The following CASK variants were observed in gnomAD, a reference collection of about 807,000 sequenced individuals.
CASK encodes the protein calcium/calmodulin dependent serine protein kinase, also known as peripheral plasma membrane protein CASK.
In CASK, 4 loss-of-function variants were observed where a neutral mutation model predicts 82.9. The observed-to-expected ratio is 0.05, with a 90% CI of 0.02 to 0.11. The LOEUF (loss-of-function observed/expected upper bound fraction) is 0.11, where lower values mean the gene tolerates loss of function less well. CASK is among the 10% of genes least tolerant of loss of function. The probability of loss-of-function intolerance (pLI) is 1.00; values close to 1 mark genes in which losing one functional copy is unlikely to be tolerated. For missense variants in CASK, 358 were observed against 720.9 expected (o/e 0.50, Z 5.76); for synonymous variants, 259 against 253.5 (o/e 1.02, Z -0.20).
At chrX:41,696,949 A>G (rs2067701421) in intron 5 of CASK, 2 of 344,203 alleles carry the variant, frequency 5.8e-6, no homozygotes, top group South Asian at 2.5e-4. Context: ...CTAACTTTTA[A>G]ATCTGTATGT....
chrX:41,583,150 C>T (rs189741340), intron 14 of CASK, among the ~76,000 whole-genome samples: 1 of 111,959 alleles, frequency 8.9e-6, no homozygotes, highest in Admixed American at 9.5e-5. Context: ...ATAAAAATTA[C>T]TTATTATTTC....
chrX:41,555,704 G>T, intron 19 of CASK, 69 bp from the exon 20 acceptor site: 1 of 794,886 alleles, frequency 1.3e-6, no homozygotes, highest in Non-Finnish European at 1.9e-6. Flanking sequence ...TAATTTGTGT[G>T]TTCTGTTACA....
intron 5 of CASK, chrX:41,727,594 C>G (rs769808811): frequency 1.2e-5 from 15 of 1,203,403 alleles, no homozygotes; most frequent in Non-Finnish European, 1.6e-5. Flanking sequence ...ATGCTACAAT[C>G]GGCAGATGGA....
intron 15 of CASK, 151 bp downstream of exon 15, chrX:41,578,188 CA>C (rs1425372848): frequency 2.1e-5 from 9 of 436,770 alleles, no homozygotes; most frequent in Middle Eastern, 6.3e-4. Context: ...AAAAGAAGGG[CA>C]GGGGGGAACT....
At chrX:41,819,114 C>G (rs1365015055) in intron 2 of CASK, among the ~76,000 whole-genome samples, 1 of 111,157 alleles carries the variant, frequency 9.0e-6, no homozygotes, top group Non-Finnish European at 1.9e-5. Flanking sequence ...AAAGCTTGTT[C>G]AATGTATGAT....
chrX:41,548,908 C>T (rs1378656787), intron 21 of CASK, among the ~76,000 whole-genome samples: 1 of 111,752 alleles, frequency 8.9e-6, no homozygotes. Flanking sequence ...TGATTTTTAC[C>T]AGACACTGCA....
At chrX:41,638,657 C>T (rs780684374) in intron 8 of CASK, among the ~76,000 whole-genome samples, 1 of 110,835 alleles carries the variant, frequency 9.0e-6, no homozygotes, top group Non-Finnish European at 1.9e-5. Flanking sequence ...ATGCAAAGGC[C>T]CAATGGAGGG....
At chrX:41,578,046 C>T (rs1457216858) in intron 15 of CASK, among the ~76,000 whole-genome samples, 4 of 111,894 alleles carry the variant, frequency 3.6e-5, no homozygotes, top group Non-Finnish European at 1.9e-5. Context: ...TTCTTTGCTG[C>T]CCCAGAGGTT....
At chrX:41,624,386 C>T in intron 10 of CASK, 1 of 291,128 alleles carries the variant, frequency 3.4e-6, no homozygotes, top group Non-Finnish European at 6.7e-6. Context: ...AGGCTTTCTC[C>T]TCAGTCTCTT....
At chrX:41,594,937 G>A (rs1445590426) in intron 12 of CASK, among the ~76,000 whole-genome samples, 1 of 111,987 alleles carries the variant, frequency 8.9e-6, no homozygotes, top group Non-Finnish European at 1.9e-5. Context: ...AGAACATGCT[G>A]TTTAAGTGGT....
chrX:41,815,667 A>G (rs1323793265), intron 2 of CASK, among the ~76,000 whole-genome samples: 3 of 111,363 alleles, frequency 2.7e-5, no homozygotes, highest in Non-Finnish European at 5.6e-5. Context: ...ATGTAACTGG[A>G]GCCCTTCAAA....
intron 15 of CASK, among the ~76,000 whole-genome samples, chrX:41,571,618 C>T (rs896360882): frequency 4.5e-5 from 5 of 111,547 alleles, no homozygotes; most frequent in Non-Finnish European, 7.5e-5. Flanking sequence ...TTTATTGATA[C>T]TCTATTGCTT....
At position 41,812,197 on chromosome X, in the gene CASK, C is replaced by G. The variant is rs901515294; in HGVS notation, c.173-24914G>C. Among the ~76,000 whole-genome samples the G allele has an allele frequency of 1.4e-3, 161 of 111,703 alleles. 1 individual carries two copies. Among genetic ancestry groups the G allele is most frequent in the Non-Finnish European group, 2.0e-3 (108 of 53,126 alleles). On this transcript the variant is annotated intron_variant, in intron 2 of 26. Coordinates refer to ENST00000378163, the MANE Select transcript of CASK (RefSeq NM_001367721.1). ...TGGTACCATTTCTTCTGAAACTATT[C>G]CAATCAATAGAAAAAGAGGAAATCC...
chrX:41,698,386 C>T (rs2067730966), intron 5 of CASK, among the ~76,000 whole-genome samples: 1 of 111,795 alleles, frequency 8.9e-6, no homozygotes, highest in Admixed American at 9.5e-5. Context: ...AATAACAGGA[C>T]AGCAAGCTCT....
intron 11 of CASK, among the ~76,000 whole-genome samples, chrX:41,620,689 C>T (rs2066275179): frequency 8.9e-6 from 1 of 112,200 alleles, no homozygotes; most frequent in Admixed American, 9.5e-5. Flanking sequence ...ACTTTTTATT[C>T]CCACTGCACA....
At chrX:41,535,164 C>T (rs968514281) in intron 22 of CASK, among the ~76,000 whole-genome samples, 191 bp from the exon 23 acceptor site, 2 of 111,074 alleles carry the variant, frequency 1.8e-5, no homozygotes, top group African/African-American at 6.6e-5. Context: ...CATTTTTAAG[C>T]CCATGAAAAT....
In CASK at chrX:41,578,507, C is replaced by T. The variant is rs1192097024; in HGVS notation, c.1336G>A (p.Val446Ile). ...HFMALLQTHDVVAHEVYSDEA... is the reference protein window; with the variant it reads ...HFMALLQTHDIVAHEVYSDEA... The stretch of plus-strand genomic sequence containing the variant: ...TCACTGTAAACTTCATGTGCCACTA[C>T]GTCGTGAGTCTGAAGTAAGGCCTAG... The change falls in exon 15 of 27, where the codon GTA (valine) becomes ATA (isoleucine). Residue 446 changes from valine to isoleucine, a missense_variant. Val to Ile is a conservative substitution (Grantham distance 29). Around this residue, in one of 5 missense-constraint regions of CASK, gnomAD observed 110 missense variants for 218.8 expected, o/e 0.50. Coordinates refer to ENST00000378163, the MANE Select transcript of CASK (RefSeq NM_001367721.1). 10 of 1,204,874 alleles carry T rather than the reference C, an allele frequency of 8.3e-6. No individual in the cohort carries two copies. The highest frequency in any genetic ancestry group is 1.7e-5 in the African/African-American group (1 of 57,607).
Position 41,811,228 on chromosome X carries a change from G to A in CASK, c.173-23945C>T, listed in dbSNP as rs770372347. ...AATTGAACTCAGCTCTGCACCAAGC[G>A]GACCTAGTAGACATCTACAGAACTC... On this transcript the variant is annotated intron_variant, in intron 2 of 26. Transcript: ENST00000378163. 8.9e-3 allele frequency among the ~76,000 whole-genome samples: 995 copies of A among 111,522 alleles called. 14 individuals carry two copies. Among genetic ancestry groups the A allele is most frequent in the African/African-American group, 0.031 (946 of 30,706 alleles).
chrX:41,531,890 A>T (rs2064808528), intron 24 of CASK, among the ~76,000 whole-genome samples: 1 of 112,550 alleles, frequency 8.9e-6, no homozygotes, highest in Non-Finnish European at 1.9e-5. Context: ...TCAGGAGGTG[A>T]CAAACTGGCT....
Sources: gnomAD v4.1 joint callset for allele counts (sites outside exome capture counted in the v4.1 genomes callset) on GRCh38, gnomAD v4.1.1 for gene constraint, gnomAD v4.1.1 regional missense constraint, MANE v1.5 for transcripts, NCBI Gene and HGNC (gene_info 2026-07-23, HGNC 2026-07-21) for gene names.